The following CFAP299 variants were observed in gnomAD, a reference collection of about 807,000 sequenced individuals.
The protein encoded by CFAP299 is cilia- and flagella-associated protein 299.
A neutral mutation model predicts 27.0 loss-of-function variants in CFAP299; 21 were observed. That is an observed-to-expected ratio of 0.78 (90% confidence interval 0.55 to 1.12). The LOEUF (loss-of-function observed/expected upper bound fraction) is 1.12, where lower values mean the gene tolerates loss of function less well. Ranked by LOEUF, CFAP299 falls within the 50% of genes most tolerant of loss-of-function variation. The probability of loss-of-function intolerance (pLI) is 0.00; values close to 1 mark genes in which losing one functional copy is unlikely to be tolerated. For synonymous variants in CFAP299, 104 were observed against 98.1 expected (o/e 1.06, Z -0.36); for missense variants, 310 against 276.6 (o/e 1.12, Z -0.86).
Position 80,944,667 on chromosome 4 carries a change from A to T in CFAP299, c.477-143A>T. ...TCTAATCTCTTGTGCAAGAATTTTA[A>T]TCTCAAATGTGTTCTACATGGTTGT... is the stretch of plus-strand genomic sequence containing the variant. On this transcript the variant is annotated intron_variant, in intron 4 of 5. Coordinates refer to ENST00000358105, the MANE Select transcript of CFAP299 (RefSeq NM_152770.3). 4 of 611,094 alleles carry T rather than the reference A, an allele frequency of 6.5e-6. No individual in the cohort carries two copies. In the East Asian group the frequency reaches 1.2e-4, roughly 18 times the overall value. 37.9% of individuals were successfully genotyped at this position (611,094 alleles called of 1,614,324 possible). A position where few individuals can be genotyped will look rare whatever the true frequency, so the allele number is the denominator to read the frequency against.
intron 3 of CFAP299, among the ~76,000 whole-genome samples, chr4:80,622,187 G>C (rs1011375255): frequency 2.6e-5 from 4 of 152,082 alleles, no homozygotes; most frequent in Non-Finnish European, 4.4e-5. Context: ...CTGATCATGA[G>C]AGAGGAAAAA....
At chr4:80,386,559 G>A in intron 2 of CFAP299, 4 of 1,596,038 alleles carry the variant, frequency 2.5e-6, no homozygotes, top group African/African-American at 1.3e-5. Flanking sequence ...TCCTTCTGGG[G>A]GCCGAGACGA....
rs187590875 is a variant in CFAP299 at position 80,460,141 on chromosome 4, A to C, written c.242+97257A>C. On this transcript the variant is annotated intron_variant, in intron 2 of 5. Transcript: ENST00000358105. ...TTTTGTTATGCAGATGAAACCTCAC[A>C]GGTAGCAGTGCTCAGAAAGTAAGTT... 2.6e-5 allele frequency among the ~76,000 whole-genome samples: 4 copies of C among 152,268 alleles called. No homozygotes were observed. The East Asian group carries it at 7.7e-4, about 29-fold the overall frequency.
At chr4:80,842,972 A>G (rs575662122) in intron 3 of CFAP299, among the ~76,000 whole-genome samples, 3 of 152,084 alleles carry the variant, frequency 2.0e-5, no homozygotes, top group South Asian at 2.1e-4. Flanking sequence ...TATCTTGCTC[A>G]TTTTGGTTGC....
rs560790935 is a variant in CFAP299 at position 80,657,309 on chromosome 4, A to G, written c.333+74126A>G. 5.3e-5 allele frequency among the ~76,000 whole-genome samples: 8 copies of G among 152,222 alleles called. No individual in the cohort carries two copies. In the South Asian group the frequency reaches 8.3e-4, roughly 16 times the overall value. ...AGTCATGAAGTCTTTGCCCATGCCT[A>G]TGTACTGAATGGTATTGCCTAGGTT... On this transcript the variant is annotated intron_variant, in intron 3 of 5. Coordinates refer to ENST00000358105, the MANE Select transcript of CFAP299 (RefSeq NM_152770.3).
rs925013067 is a variant in CFAP299, at chr4:80,945,259, C to A, written c.606+320C>A. On this transcript the variant is annotated intron_variant, in intron 5 of 5. Coordinates refer to ENST00000358105, the MANE Select transcript of CFAP299 (RefSeq NM_152770.3). ...TTCCCCCGATCCTGCAGATGTCCAG[C>A]CACTTGTTGCTGTTAGTGGGGAGGA... 1.1e-4 allele frequency among the ~76,000 whole-genome samples: 16 copies of A among 152,290 alleles called. 1 individual carries two copies. In the South Asian group the frequency reaches 2.5e-3, roughly 24 times the overall value.
intron 3 of CFAP299, among the ~76,000 whole-genome samples, chr4:80,591,104 AATTTTTTTTTTTT>A (rs1736729542): frequency 1.7e-5 from 2 of 116,498 alleles, no homozygotes. Context: ...TACTTTAGGA[AATTTTTTTTTTTT>A]TTTTTTTTTT....
intron 1 of CFAP299, among the ~76,000 whole-genome samples, chr4:80,361,078 T>C (rs1723520185): frequency 6.6e-6 from 1 of 152,220 alleles, no homozygotes; most frequent in Admixed American, 6.5e-5. Flanking sequence ...GTTGTCATAA[T>C]GGACAGATGA....
At chr4:80,626,658 TGAA>T (rs1169602729) in intron 3 of CFAP299, among the ~76,000 whole-genome samples, 3 of 151,432 alleles carry the variant, frequency 2.0e-5, no homozygotes, top group Admixed American at 6.6e-5. Flanking sequence ...ATAAGTAAAA[TGAA>T]GAACAGGAAA....
At chr4:80,459,299 A>G (rs944485226) in intron 2 of CFAP299, among the ~76,000 whole-genome samples, 1 of 152,128 alleles carries the variant, frequency 6.6e-6, no homozygotes, top group African/African-American at 2.4e-5. Flanking sequence ...CAGGCTTCTT[A>G]TGAAGACAAA....
At chr4:80,527,073 T>C (rs193019647) in intron 2 of CFAP299, among the ~76,000 whole-genome samples, 1 of 152,306 alleles carries the variant, frequency 6.6e-6, no homozygotes, top group Admixed American at 6.5e-5. Flanking sequence ...AATTAGATCA[T>C]GCACACAAGT....
intron 3 of CFAP299, among the ~76,000 whole-genome samples, chr4:80,609,268 T>G (rs1003133273): frequency 2.0e-5 from 3 of 152,094 alleles, no homozygotes; most frequent in African/African-American, 7.2e-5. Flanking sequence ...AAACTTCCAG[T>G]TAAGTCAAAA....
intron 3 of CFAP299, among the ~76,000 whole-genome samples, chr4:80,829,367 C>T (rs1223215323): frequency 6.6e-6 from 1 of 151,752 alleles, no homozygotes; most frequent in Non-Finnish European, 1.5e-5. Context: ...AAATAAAAAC[C>T]ACAATGAGAT....
At chr4:80,697,924 A>G (rs141042211) in intron 3 of CFAP299, among the ~76,000 whole-genome samples, 2 of 152,330 alleles carry the variant, frequency 1.3e-5, no homozygotes, top group African/African-American at 2.4e-5. Flanking sequence ...TTATGAACAA[A>G]ATAAGTTATT....
At chr4:80,754,322 G>C (rs1428759063) in intron 3 of CFAP299, among the ~76,000 whole-genome samples, 8 of 152,024 alleles carry the variant, frequency 5.3e-5, no homozygotes, top group African/African-American at 1.9e-4. Context: ...CTATGTCTTA[G>C]AGTGTTTTCC....
chr4:80,872,417 T>C (rs1733147570), intron 4 of CFAP299: 1 of 152,106 alleles, frequency 6.6e-6, no homozygotes, highest in South Asian at 2.1e-4. Flanking sequence ...AATTCTTCTA[T>C]AGAGAAAAAC....
chr4:80,937,642 C>T (rs971229938), intron 4 of CFAP299, among the ~76,000 whole-genome samples: 1 of 152,072 alleles, frequency 6.6e-6, no homozygotes, highest in Admixed American at 6.6e-5. Context: ...GAATCTCTTG[C>T]AGGCAGCATA....
At chr4:80,335,699 AGTGG>A (rs1722096097), upstream of CFAP299, 8 of 883,934 alleles carry the variant, frequency 9.1e-6, no homozygotes, top group Non-Finnish European at 1.5e-5. Context: ...GCAGGAACGA[AGTGG>A]GTGGAGCCTC....
intron 3 of CFAP299, among the ~76,000 whole-genome samples, chr4:80,803,204 T>C (rs986787101): frequency 1.3e-5 from 2 of 152,020 alleles, no homozygotes; most frequent in Admixed American, 6.6e-5. Context: ...AAAGCCTCTT[T>C]TAGGAATTAG....
Sources: gnomAD v4.1 joint callset for allele counts (sites outside exome capture counted in the v4.1 genomes callset) on GRCh38, gnomAD v4.1.1 for gene constraint, MANE v1.5 for transcripts, NCBI Gene and HGNC (gene_info 2026-07-23, HGNC 2026-07-21) for gene names.